FOXN1: variants seen among roughly 807,000 people sequenced by gnomAD.
FOXN1 encodes the protein forkhead box N1.
In FOXN1, 15 loss-of-function variants were observed where a neutral mutation model predicts 49.0. That is an observed-to-expected ratio of 0.31 (90% confidence interval 0.20 to 0.47). The LOEUF (loss-of-function observed/expected upper bound fraction) is 0.47. Ranked by LOEUF, FOXN1 falls within the 20% of genes least tolerant of loss-of-function variation. The probability of loss-of-function intolerance (pLI) is 1.00; values close to 1 mark genes in which losing one functional copy is unlikely to be tolerated. For missense variants in FOXN1, 800 were observed against 842.8 expected (o/e 0.95, Z 0.63); for synonymous variants, 356 against 369.0 (o/e 0.96, Z 0.40).
At chr17:28,528,573 T>TA (rs2069828960) in intron 4 of FOXN1, among the ~76,000 whole-genome samples, 1 of 151,938 alleles carries the variant, frequency 6.6e-6, no homozygotes, top group South Asian at 2.1e-4. Context: ...CCATCCCCCA[T>TA]AAAACACCAT....
At chr17:28,527,419 ATGTGGTG>A (rs2069799067) in intron 4 of FOXN1, 58 bp downstream of exon 4, 3 of 973,584 alleles carry the variant, frequency 3.1e-6, no homozygotes, top group Non-Finnish European at 4.9e-6. Flanking sequence ...GTGTGTGTGT[ATGTGGTG>A]TGTGGGTGTC....
At position 28,534,466 on chromosome 17, in the gene FOXN1, AAGATGCAAGAGG is replaced by A; in HGVS notation, c.1066_1077del (p.Met356_Glu359del). 1 of 1,614,162 alleles carries A rather than the reference AAGATGCAAGAGG, an allele frequency of 6.2e-7. No homozygotes were observed. Among genetic ancestry groups the A allele is most frequent in the Non-Finnish European group, 8.5e-7 (1 of 1,180,010 alleles). On this transcript the variant is annotated inframe_deletion, in exon 7 of 9. Coordinates refer to ENST00000579795, the MANE Select transcript of FOXN1 (RefSeq NM_001369369.1). The surrounding 1 kb of genome is among the most constrained non-coding windows in gnomAD (Gnocchi z 4.1). ...GGCCCTCAATCCGGCCAAGATCGAC[AAGATGCAAGAGG>A]AGCTGCAAAAATGGAAGAGGAAAGA...
chr17:28,524,673 G>C lies in FOXN1; in HGVS notation c.294G>C (p.Lys98Asn). The change falls in exon 3 of 9, where the codon AAG (lysine) becomes AAC (asparagine). Residue 98 changes from lysine (K) to asparagine (N), a missense_variant. Physicochemically the swap from Lys to Asn is moderately conservative, Grantham distance 94. Coordinates refer to ENST00000579795, the MANE Select transcript of FOXN1 (RefSeq NM_001369369.1). ...CCTTCAGGCTCTCACCCTCAGACAAGTATCCTGGCTTTGGCTTTGAGGAGG... is the reference window on the plus strand; with the variant it reads ...CCTTCAGGCTCTCACCCTCAGACAACTATCCTGGCTTTGGCTTTGAGGAGG... The part of the protein sequence containing the change: ...PGPFRLSPSD[K>N]YPGFGFEEAA... 1.2e-6 allele frequency: 2 copies of C among 1,613,582 alleles called. No individual in the cohort carries two copies. Among genetic ancestry groups the C allele is most frequent in the Non-Finnish European group, 1.7e-6 (2 of 1,179,866 alleles).
intron 1 of FOXN1, among the ~76,000 whole-genome samples, chr17:28,519,080 T>C (rs2069587168): frequency 6.6e-6 from 1 of 152,216 alleles, no homozygotes; most frequent in South Asian, 2.1e-4. Flanking sequence ...ATGGGCACAA[T>C]TGGCTCTCAT....
chr17:28,511,487 G>A (rs940431629), intron 1 of FOXN1, among the ~76,000 whole-genome samples: 2 of 152,102 alleles, frequency 1.3e-5, no homozygotes, highest in Admixed American at 1.3e-4. Flanking sequence ...CCCCTAGGAA[G>A]GGCAGATGTT....
At chr17:28,529,247 A>G in intron 5 of FOXN1, 23 bp downstream of exon 5, 1 of 1,613,466 alleles carries the variant, frequency 6.2e-7, no homozygotes, top group Non-Finnish European at 8.5e-7. Flanking sequence ...CTCTCCAGGG[A>G]TGGGAGGAGG....
At chr17:28,507,609 C>T (rs1324793283) in intron 1 of FOXN1, among the ~76,000 whole-genome samples, 1 of 152,166 alleles carries the variant, frequency 6.6e-6, no homozygotes, top group Non-Finnish European at 1.5e-5. Flanking sequence ...GAAGTCCTTC[C>T]TGGAGCCTCT....
chr17:28,527,239 C>G lies in FOXN1; in HGVS notation c.589-12C>G. The G allele has an allele frequency of 6.3e-7, 1 of 1,585,392 alleles. No individual in the cohort carries two copies. Among genetic ancestry groups the G allele is most frequent in the Non-Finnish European group, 8.7e-7 (1 of 1,153,938 alleles). ...AAGGCCTAATCTAGTCATCTGCTTTCTCTTCCAGCAGGGTTCAGAGGTCAA... is the reference window on the plus strand; with the variant it reads ...AAGGCCTAATCTAGTCATCTGCTTTGTCTTCCAGCAGGGTTCAGAGGTCAA... On this transcript the variant is annotated splice_polypyrimidine_tract_variant and intron_variant, in intron 3 of 8. Coordinates refer to ENST00000579795, the MANE Select transcript of FOXN1 (RefSeq NM_001369369.1).
intron 1 of FOXN1, among the ~76,000 whole-genome samples, chr17:28,519,552 C>G (rs2069598669): frequency 6.6e-6 from 1 of 152,094 alleles, no homozygotes; most frequent in African/African-American, 2.4e-5. Flanking sequence ...GCCTCCTGTG[C>G]TGGTATTTGC....
In FOXN1 at chr17:28,537,765, CA is replaced by C. The variant is rs1184776745; in HGVS notation, c.*330del. On this transcript the variant is annotated 3_prime_UTR_variant, in exon 9 of 9. Transcript: ENST00000579795. ...CACACACACAAATTATTCAGATGTA[CA>C]CCCACCCACATATCTTACAGCCAGA... 4.5e-6 allele frequency: 2 copies of C among 445,156 alleles called. No individual in the cohort carries two copies. Among genetic ancestry groups the C allele is most frequent in the East Asian group, 9.0e-5 (2 of 22,166 alleles). 27.6% of individuals were successfully genotyped at this position (445,156 alleles called of 1,614,324 possible).
chr17:28,534,907 C>T lies in FOXN1; in HGVS notation c.1336C>T (p.His446Tyr). 2 of 1,614,112 alleles carry T rather than the reference C, an allele frequency of 1.2e-6. No homozygotes were observed. The highest frequency in any genetic ancestry group is 1.7e-6 in the Non-Finnish European group (2 of 1,179,958). The part of the protein sequence containing the change: ...KNPLQDLLMG[H>Y]TPSCYGQTYL... Reference sequence around the variant, plus strand: ...CCCCCTGCAGGACCTACTTATGGGGCACACACCCTCCTGCTATGGGCAGAC... The same window carrying T: ...CCCCCTGCAGGACCTACTTATGGGGTACACACCCTCCTGCTATGGGCAGAC... Residue 446 changes from histidine to tyrosine, a missense_variant, in exon 8 of 9, where the codon CAC becomes TAC. Physicochemically the swap from His to Tyr is moderately conservative, Grantham distance 83. Around this residue, in one of 3 missense-constraint regions of FOXN1, gnomAD observed 344 missense variants for 366.1 expected, o/e 0.94. Transcript: ENST00000579795. The surrounding 1 kb of genome is among the most constrained non-coding windows in gnomAD (Gnocchi z 4.1).
intron 1 of FOXN1, among the ~76,000 whole-genome samples, chr17:28,510,497 A>G (rs573722576): frequency 3.6e-4 from 55 of 150,838 alleles, no homozygotes; most frequent in Middle Eastern, 3.5e-3. Context: ...TTCCATAGCC[A>G]TGTCCCGGAC....
chr17:28,532,974 G>T (rs899048229), intron 6 of FOXN1, among the ~76,000 whole-genome samples: 2 of 152,192 alleles, frequency 1.3e-5, no homozygotes, highest in East Asian at 3.9e-4. Context: ...TAGTTGGCTG[G>T]TCTGGTGGCT....
intron 8 of FOXN1, among the ~76,000 whole-genome samples, chr17:28,535,890 A>G (rs1326563440): frequency 6.6e-6 from 1 of 152,206 alleles, no homozygotes; most frequent in East Asian, 1.9e-4. Flanking sequence ...TCTAAAGCAG[A>G]AGGAGAGAGA....
intron 3 of FOXN1, 34 bp from the exon 4 acceptor site, chr17:28,527,217 G>A (rs1480401740): frequency 7.2e-7 from 1 of 1,390,652 alleles, no homozygotes; most frequent in East Asian, 2.3e-5. Flanking sequence ...AGAAAATAAG[G>A]CCTAATCTAG....
intron 1 of FOXN1, among the ~76,000 whole-genome samples, chr17:28,515,088 G>A (rs540954302): frequency 2.0e-5 from 3 of 152,202 alleles, no homozygotes; most frequent in Admixed American, 6.5e-5. Context: ...TGATAATACA[G>A]CTCCTCCTTC....
chr17:28,530,992 C>T (rs1292891959), intron 6 of FOXN1, 147 bp downstream of exon 6: 1 of 667,536 alleles, frequency 1.5e-6, no homozygotes, highest in East Asian at 2.7e-5. Flanking sequence ...TCCGTTGTCT[C>T]CACCTCAGAA....
intron 1 of FOXN1, among the ~76,000 whole-genome samples, chr17:28,509,716 C>A (rs924325868): frequency 6.6e-6 from 1 of 152,216 alleles, no homozygotes; most frequent in African/African-American, 2.4e-5. Flanking sequence ...CCCAGACAGA[C>A]CTCCACACTG....
intron 8 of FOXN1, among the ~76,000 whole-genome samples, chr17:28,535,667 C>T (rs201448695): frequency 3.9e-5 from 6 of 152,134 alleles, no homozygotes; most frequent in South Asian, 4.2e-4. Flanking sequence ...CACTTGAACC[C>T]GGGAGGCGGA....
Sources: gnomAD v4.1 joint callset for allele counts (sites outside exome capture counted in the v4.1 genomes callset) on GRCh38, gnomAD v4.1.1 for gene constraint, gnomAD v4.1.1 regional missense constraint, Gnocchi (gnomAD v3.1) non-coding constraint, MANE v1.5 for transcripts, NCBI Gene and HGNC (gene_info 2026-07-23, HGNC 2026-07-21) for gene names.